Variants in PPFIA2 observed in about 807,000 individuals in gnomAD.
PPFIA2 encodes the protein liprin-alpha-2.
A neutral mutation model predicts 175.5 loss-of-function variants in PPFIA2; 46 were observed. The ratio of observed to expected loss-of-function variants is 0.26; its 90% CI spans 0.21 to 0.34. The LOEUF is 0.34. Ranked by LOEUF, PPFIA2 falls within the 10% of genes least tolerant of loss-of-function variation. The probability of loss-of-function intolerance (pLI) is 1.00; values close to 1 mark genes in which losing one functional copy is unlikely to be tolerated. For missense variants in PPFIA2, 1,179 were observed against 1,506.1 expected, an observed-to-expected ratio of 0.78 and a Z score of 3.60; for synonymous variants, 568 against 511.4, an observed-to-expected ratio of 1.11 and a Z score of -1.49.
In PPFIA2 at chr12:81,400,679, A is replaced by C. The variant is rs572250997; in HGVS notation, c.762+5108T>G. On this transcript the variant is annotated intron_variant, in intron 8 of 32. Transcript: ENST00000549396. ...CATTTTTAGAGAACAGTCACGAATA[A>C]ATGTCAGATTCAAAGAGGAGAGAAG... 5.9e-5 allele frequency among the ~76,000 whole-genome samples: 9 copies of C among 152,300 alleles called. 2 individuals are homozygous for C. In the South Asian group the frequency reaches 1.9e-3, roughly 32 times the overall value.
At chr12:81,734,180 T>A (rs2081283387) in intron 3 of PPFIA2, among the ~76,000 whole-genome samples, 1 of 151,752 alleles carries the variant, frequency 6.6e-6, no homozygotes, top group Non-Finnish European at 1.5e-5. Flanking sequence ...GAGCTCACAG[T>A]TGGAGTTTGT....
chr12:81,728,272 C>G (rs2080364156), intron 3 of PPFIA2, among the ~76,000 whole-genome samples: 1 of 151,464 alleles, frequency 6.6e-6, no homozygotes, highest in Non-Finnish European at 1.5e-5. Flanking sequence ...TTGAGAGTAT[C>G]TTTTCTTATA....
At chr12:81,710,487 T>C (rs1334493473) in intron 3 of PPFIA2, among the ~76,000 whole-genome samples, 1 of 152,142 alleles carries the variant, frequency 6.6e-6, no homozygotes, top group South Asian at 2.1e-4. Context: ...TACAGTGACA[T>C]GTAAATGATG....
At chr12:81,467,763 A>G (rs779738538) in intron 4 of PPFIA2, among the ~76,000 whole-genome samples, 1 of 152,140 alleles carries the variant, frequency 6.6e-6, no homozygotes, top group Non-Finnish European at 1.5e-5. Flanking sequence ...CTTTTTAATG[A>G]ACCCTTGCAT....
At chr12:81,467,377 G>T (rs2146163794) in intron 4 of PPFIA2, among the ~76,000 whole-genome samples, 1 of 150,938 alleles carries the variant, frequency 6.6e-6, no homozygotes, top group East Asian at 1.9e-4. Flanking sequence ...TCATAAAACA[G>T]TTCTTAAAAG....
intron 4 of PPFIA2, among the ~76,000 whole-genome samples, chr12:81,672,633 C>T (rs572692523): frequency 6.6e-6 from 1 of 152,002 alleles, no homozygotes; most frequent in African/African-American, 2.4e-5. Flanking sequence ...AAACTTAGAA[C>T]ATTTAAAAGT....
chr12:81,315,294 G>A (rs1347749264), intron 22 of PPFIA2, among the ~76,000 whole-genome samples: 1 of 151,802 alleles, frequency 6.6e-6, no homozygotes, highest in East Asian at 1.9e-4. Context: ...TTCTCCAACA[G>A]CACAGATGTG....
In PPFIA2 at chr12:81,423,734, G is replaced by T. The variant is rs74658494; in HGVS notation, c.645+16238C>A. Among the ~76,000 whole-genome samples, 524 of 152,180 alleles carry T rather than the reference G, an allele frequency of 3.4e-3. 2 individuals are homozygous for T. Among genetic ancestry groups the T allele is most frequent in the African/African-American group, 0.012 (508 of 41,532 alleles). On this transcript the variant is annotated intron_variant, in intron 7 of 32. Transcript: ENST00000549396. The stretch of plus-strand genomic sequence containing the variant: ...TACTTCTTTTTGACATAGTACTGAA[G>T]TCCTAGCCATAGCAATTAGACAGGG...
chr12:81,446,762 A>AT (rs1215865171), intron 5 of PPFIA2, among the ~76,000 whole-genome samples: 1 of 152,112 alleles, frequency 6.6e-6, no homozygotes, highest in Non-Finnish European at 1.5e-5. Flanking sequence ...AAACAACTTT[A>AT]TTTTTTTCTT....
At chr12:81,751,167 C>T (rs2083714335) in intron 3 of PPFIA2, among the ~76,000 whole-genome samples, 2 of 151,754 alleles carry the variant, frequency 1.3e-5, no homozygotes, top group South Asian at 2.1e-4. Flanking sequence ...TGTCTAAGGA[C>T]CTGTGGATTT....
chr12:81,550,921 G>A (rs1297687563), intron 4 of PPFIA2, among the ~76,000 whole-genome samples: 1 of 151,884 alleles, frequency 6.6e-6, no homozygotes, highest in African/African-American at 2.4e-5. Flanking sequence ...CGCTTTCTTA[G>A]AATCCTAATG....
chr12:81,657,641 T>C lies in PPFIA2; in HGVS notation c.303+19150A>G, dbSNP rs112665099. The stretch of plus-strand genomic sequence containing the variant: ...AGATTTCTAAGAATCAATTTCAATT[T>C]TATTTTCTAAATAAATTTGGCAATT... On this transcript the variant is annotated intron_variant, in intron 4 of 32. Coordinates refer to ENST00000549396, the MANE Select transcript of PPFIA2 (RefSeq NM_003625.5). Among the ~76,000 whole-genome samples, 217 of 152,342 alleles carry C rather than the reference T, an allele frequency of 1.4e-3. 4 individuals are homozygous for C. Among genetic ancestry groups the C allele is most frequent in the African/African-American group, 5.0e-3 (208 of 41,590 alleles).
At chr12:81,618,568 G>T (rs1224550347) in intron 4 of PPFIA2, among the ~76,000 whole-genome samples, 3 of 120,554 alleles carry the variant, frequency 2.5e-5, no homozygotes, top group African/African-American at 9.8e-5. Flanking sequence ...TCGCTCTGTC[G>T]CCCAGGCTGG....
intron 30 of PPFIA2, 117 bp downstream of exon 30, chr12:81,266,835 T>C (rs2136254733): frequency 1.3e-6 from 1 of 752,082 alleles, no homozygotes; most frequent in South Asian, 1.7e-5. Flanking sequence ...AAATTATTGA[T>C]TCTAACCATA....
intron 4 of PPFIA2, among the ~76,000 whole-genome samples, chr12:81,654,723 T>C (rs1357960440): frequency 6.6e-6 from 1 of 152,130 alleles, no homozygotes; most frequent in African/African-American, 2.4e-5. Context: ...AGAGGATTCA[T>C]CTAAGATGTT....
At chr12:81,699,006 A>G (rs1027232244) in intron 3 of PPFIA2, among the ~76,000 whole-genome samples, 7 of 152,110 alleles carry the variant, frequency 4.6e-5, no homozygotes, top group African/African-American at 1.7e-4. Context: ...CATTTCTACT[A>G]ACTCAGAAAA....
At chr12:81,529,563 G>C (rs1336039530) in intron 4 of PPFIA2, among the ~76,000 whole-genome samples, 2 of 150,162 alleles carry the variant, frequency 1.3e-5, no homozygotes, top group Admixed American at 1.3e-4. Context: ...AGTGGAAAGA[G>C]AGAGAGAGAG....
chr12:81,422,522 A>G (rs1461320057), intron 7 of PPFIA2, among the ~76,000 whole-genome samples: 1 of 152,110 alleles, frequency 6.6e-6, no homozygotes, highest in East Asian at 1.9e-4. Flanking sequence ...CCAAGCAACC[A>G]TTTGCTAAAG....
At chr12:81,308,477 C>G (rs1447052331) in intron 22 of PPFIA2, among the ~76,000 whole-genome samples, 1 of 152,138 alleles carries the variant, frequency 6.6e-6, no homozygotes, top group Non-Finnish European at 1.5e-5. Flanking sequence ...ATAACCTGTC[C>G]ACAGAGTCAG....
Sources: allele counts gnomAD v4.1 joint callset (sites outside exome capture counted in the v4.1 genomes callset), GRCh38; gene constraint gnomAD v4.1.1; transcripts MANE v1.5; gene names NCBI Gene and HGNC (gene_info 2026-07-23, HGNC 2026-07-21).